THEMIS: variants seen among roughly 807,000 people sequenced by gnomAD.
THEMIS encodes thymocyte selection associated, also known as protein THEMIS.
THEMIS carries 37 observed loss-of-function variants against 52.6 expected under a neutral mutation model. The observed-to-expected ratio is 0.70, with a 90% CI of 0.54 to 0.93. The LOEUF (loss-of-function observed/expected upper bound fraction) is 0.93. THEMIS is among the 40% of genes least tolerant of loss of function. THEMIS has a pLI of 0.00. For synonymous variants in THEMIS, 292 were observed against 272.7 expected (o/e 1.07, Z -0.70); for missense variants, 808 against 763.1 (o/e 1.06, Z -0.69).
At chr6:127,812,376 C>T (rs1297040175) in intron 4 of THEMIS, among the ~76,000 whole-genome samples, 1 of 152,106 alleles carries the variant, frequency 6.6e-6, no homozygotes, top group Non-Finnish European at 1.5e-5. Context: ...TGCTCACATT[C>T]TCACACACTG....
chr6:127,806,826 A>T (rs1291808306), intron 4 of THEMIS, among the ~76,000 whole-genome samples: 1 of 152,224 alleles, frequency 6.6e-6, no homozygotes, highest in East Asian at 1.9e-4. Flanking sequence ...AATATTCCGT[A>T]TGTGCCATTG....
At chr6:127,799,136 T>C (rs1777436517) in intron 4 of THEMIS, among the ~76,000 whole-genome samples, 1 of 151,640 alleles carries the variant, frequency 6.6e-6, no homozygotes. Flanking sequence ...GCTTGAGAAA[T>C]AAATAATGGA....
Position 127,762,658 on chromosome 6 carries a change from TC to T in THEMIS, c.1759-42836del, listed in dbSNP as rs549257603. Among the ~76,000 whole-genome samples the T allele has an allele frequency of 5.9e-5, 9 of 152,184 alleles. No homozygotes were observed. The South Asian group carries it at 1.7e-3, about 28-fold the overall frequency. ...GACATGATTGTCTTGCTCACTTCATTCCCTGGCCACTCTAATTAATTAAAAT... is the reference window on the plus strand; with the variant it reads ...GACATGATTGTCTTGCTCACTTCATTCCTGGCCACTCTAATTAATTAAAAT... On this transcript the variant is annotated intron_variant, in intron 4 of 5. Transcript: ENST00000368248.
At chr6:127,711,343 G>C (rs962457265) in intron 5 of THEMIS, among the ~76,000 whole-genome samples, 1 of 151,992 alleles carries the variant, frequency 6.6e-6, no homozygotes, top group Non-Finnish European at 1.5e-5. Context: ...CAGTTCTGTG[G>C]CTCCTGAGGA....
chr6:127,733,535 G>T (rs1240998891), intron 4 of THEMIS, among the ~76,000 whole-genome samples: 3 of 152,122 alleles, frequency 2.0e-5, no homozygotes, highest in Non-Finnish European at 4.4e-5. Flanking sequence ...TCAGTCTCTG[G>T]AAAGTAAAAA....
At chr6:127,707,160 G>A (rs1165739647), downstream of THEMIS, among the ~76,000 whole-genome samples, 2 of 151,980 alleles carry the variant, frequency 1.3e-5, no homozygotes, top group African/African-American at 4.8e-5. Flanking sequence ...GGGGGAAACT[G>A]TCCCCATGAC....
At chr6:127,721,163 G>T (rs1774351003) in intron 4 of THEMIS, among the ~76,000 whole-genome samples, 1 of 151,990 alleles carries the variant, frequency 6.6e-6, no homozygotes, top group African/African-American at 2.4e-5. Flanking sequence ...CACCCCAGTT[G>T]TCCAAGCTGA....
intron 2 of THEMIS, among the ~76,000 whole-genome samples, chr6:127,833,414 ATAT>A (rs1248671995): frequency 6.6e-6 from 1 of 152,202 alleles, no homozygotes; most frequent in Non-Finnish European, 1.5e-5. Flanking sequence ...AATGAAAGAA[ATAT>A]TATTACTATA....
At position 127,834,266 on chromosome 6, in the gene THEMIS, CT is replaced by C. The variant is rs1421794342; in HGVS notation, c.251-4333del. ...CTATAGAATGCCTGTGTTCAAATGTCTTTACATTAATAATTGATTTGGGGCC... is the reference window on the plus strand; with the variant it reads ...CTATAGAATGCCTGTGTTCAAATGTCTTACATTAATAATTGATTTGGGGCC... On this transcript the variant is annotated intron_variant, in intron 2 of 5. Coordinates refer to ENST00000368248, the MANE Select transcript of THEMIS (RefSeq NM_001010923.3). Among the ~76,000 whole-genome samples, 6 of 152,062 alleles carry C rather than the reference CT, an allele frequency of 3.9e-5. No individual in the cohort carries two copies. The East Asian group carries it at 1.2e-3, about 29-fold the overall frequency.
intron 1 of THEMIS, among the ~76,000 whole-genome samples, chr6:127,908,843 G>A (rs1458845438): frequency 6.6e-6 from 1 of 151,720 alleles, no homozygotes; most frequent in Non-Finnish European, 1.5e-5. Flanking sequence ...TTATAACTGA[G>A]AGAAACTCAA....
intron 4 of THEMIS, among the ~76,000 whole-genome samples, chr6:127,727,086 C>A (rs1024950312): frequency 6.6e-6 from 1 of 152,200 alleles, no homozygotes; most frequent in African/African-American, 2.4e-5. Context: ...CAAGTGCCTC[C>A]TCTTCAAAAT....
intron 4 of THEMIS, among the ~76,000 whole-genome samples, chr6:127,778,704 G>A (rs1315175470): frequency 6.6e-6 from 1 of 151,848 alleles, no homozygotes; most frequent in African/African-American, 2.4e-5. Flanking sequence ...AGGGCATAAT[G>A]TTTCATTTTC....
chr6:127,774,599 A>G (rs1190029210), intron 4 of THEMIS, among the ~76,000 whole-genome samples: 1 of 152,192 alleles, frequency 6.6e-6, no homozygotes, highest in Non-Finnish European at 1.5e-5. Flanking sequence ...CAGAGATAGC[A>G]CATATGTACT....
intron 1 of THEMIS, among the ~76,000 whole-genome samples, chr6:127,896,526 G>C (rs902210403): frequency 2.6e-5 from 4 of 151,530 alleles, no homozygotes. Flanking sequence ...TAGTGGGTCA[G>C]AAGACTTAAT....
chr6:127,720,166 C>T (rs1362544630), intron 4 of THEMIS, among the ~76,000 whole-genome samples: 1 of 151,860 alleles, frequency 6.6e-6, no homozygotes, highest in Non-Finnish European at 1.5e-5. Context: ...TAATCCAGCA[C>T]TTCATTATAT....
chr6:127,855,026 G>A lies in THEMIS; in HGVS notation c.250+4C>T, dbSNP rs1779570303. 2 of 1,601,036 alleles carry A rather than the reference G, an allele frequency of 1.2e-6. No homozygotes were observed. Among genetic ancestry groups the A allele is most frequent in the South Asian group, 1.1e-5 (1 of 88,436 alleles). On this transcript the variant is annotated splice_donor_region_variant and intron_variant, in intron 2 of 5. Coordinates refer to ENST00000368248, the MANE Select transcript of THEMIS (RefSeq NM_001010923.3). ...AAATGATAAGTGGTTGCAATGTGCT[G>A]TACCTGGAAAATTCATAGGCAGTTC...
At chr6:127,732,022 C>T (rs1190532591) in intron 4 of THEMIS, among the ~76,000 whole-genome samples, 4 of 149,420 alleles carry the variant, frequency 2.7e-5, no homozygotes, top group South Asian at 2.1e-4. Context: ...TTTTTTAACT[C>T]GTAAGAGTTA....
At chr6:127,786,665 C>T (rs984159707) in intron 4 of THEMIS, among the ~76,000 whole-genome samples, 1 of 152,008 alleles carries the variant, frequency 6.6e-6, no homozygotes, top group African/African-American at 2.4e-5. Context: ...AAATAATTTG[C>T]CCAAGACCAA....
At chr6:127,696,733 A>T in the THEMIS span, among the ~76,000 whole-genome samples, 2 of 151,968 alleles carry the variant, frequency 1.3e-5, no homozygotes, top group Admixed American at 6.6e-5. Context: ...TTTGGTTTTT[A>T]TTTTTTATTT....
Sources: gnomAD v4.1 joint callset for allele counts (sites outside exome capture counted in the v4.1 genomes callset) on GRCh38, gnomAD v4.1.1 for gene constraint, MANE v1.5 for transcripts, NCBI Gene and HGNC (gene_info 2026-07-23, HGNC 2026-07-21) for gene names.